Variants in UTRN observed in about 807,000 individuals in gnomAD.
UTRN encodes dystrophin-related protein 1.
A neutral mutation model predicts 463.9 loss-of-function variants in UTRN; 283 were observed. That is an observed-to-expected ratio of 0.61 (90% CI 0.55 to 0.67). The LOEUF (loss-of-function observed/expected upper bound fraction) is 0.67. UTRN is among the 30% of genes least tolerant of loss of function. The probability of loss-of-function intolerance (pLI) is 0.00; values close to 1 mark genes in which losing one functional copy is unlikely to be tolerated. For synonymous variants in UTRN, 1,442 were observed against 1,431.5 expected, an observed-to-expected ratio of 1.01 and a Z score of -0.17; for missense variants, 3,922 against 4,084.3, an observed-to-expected ratio of 0.96 and a Z score of 1.08.
At chr6:144,317,731 G>T (rs1775374572) in intron 2 of UTRN, among the ~76,000 whole-genome samples, 1 of 152,148 alleles carries the variant, frequency 6.6e-6, no homozygotes, top group Admixed American at 6.5e-5. Context: ...CCAAATTGTT[G>T]TAATAGAGAT....
chr6:144,413,949 A>G (rs932929494), intron 3 of UTRN, among the ~76,000 whole-genome samples: 61 of 152,164 alleles, frequency 4.0e-4, no homozygotes, highest in African/African-American at 1.4e-3. Context: ...GATTACAGGC[A>G]TGTGCCACCA....
At chr6:144,449,695 T>C (rs1788059332) in intron 17 of UTRN, among the ~76,000 whole-genome samples, 1 of 152,168 alleles carries the variant, frequency 6.6e-6, no homozygotes, top group Non-Finnish European at 1.5e-5. Flanking sequence ...AAAGATAAAA[T>C]ATTCATAGTT....
In UTRN at chr6:144,827,223, C is replaced by T. The variant is rs1780261015; in HGVS notation, c.9495-125C>T. ...TACTTTTGATTTCCCCATGGTGGCTCTCAGGGCAACCACATATATGAGCGG... is the reference window on the plus strand; with the variant it reads ...TACTTTTGATTTCCCCATGGTGGCTTTCAGGGCAACCACATATATGAGCGG... On this transcript the variant is annotated intron_variant, in intron 66 of 74. Transcript: ENST00000367545. The T allele has an allele frequency of 7.0e-6, 8 of 1,145,098 alleles. No individual in the cohort carries two copies. In the South Asian group the frequency reaches 1.1e-4, roughly 16 times the overall value. 70.9% of individuals were successfully genotyped at this position (1,145,098 alleles called of 1,614,324 possible).
chr6:144,772,892 A>G (rs1327426497), intron 59 of UTRN, among the ~76,000 whole-genome samples: 1 of 151,698 alleles, frequency 6.6e-6, no homozygotes, highest in Non-Finnish European at 1.5e-5. Context: ...TGGAGGGAAA[A>G]ACAGCACCCG....
chr6:144,797,267 C>CA (rs1777309924), intron 63 of UTRN, among the ~76,000 whole-genome samples: 2 of 151,526 alleles, frequency 1.3e-5, no homozygotes, highest in Non-Finnish European at 2.9e-5. Context: ...CGGCTCACTG[C>CA]AACCTCCGCC....
intron 2 of UTRN, among the ~76,000 whole-genome samples, chr6:144,377,312 C>T (rs1780550200): frequency 1.3e-5 from 2 of 152,164 alleles, no homozygotes; most frequent in Non-Finnish European, 1.5e-5. Flanking sequence ...GCTGGGATTA[C>T]AGGTGTGAGC....
intron 3 of UTRN, among the ~76,000 whole-genome samples, chr6:144,420,122 A>G (rs1382691207): frequency 6.6e-6 from 1 of 152,178 alleles, no homozygotes; most frequent in Non-Finnish European, 1.5e-5. Flanking sequence ...TTTGCTTCAT[A>G]TGAATGATAT....
intron 2 of UTRN, among the ~76,000 whole-genome samples, chr6:144,347,844 T>TTTTG (rs1777732181): frequency 6.9e-6 from 1 of 145,396 alleles, no homozygotes; most frequent in African/African-American, 2.8e-5. Flanking sequence ...TTTGTTTTTT[T>TTTTG]TTTTTGTTTT....
chr6:144,402,781 A>G (rs1435883944), intron 2 of UTRN, among the ~76,000 whole-genome samples: 1 of 152,222 alleles, frequency 6.6e-6, no homozygotes, highest in East Asian at 1.9e-4. Context: ...CTTGCACAAA[A>G]TGTAGCAGAA....
intron 54 of UTRN, among the ~76,000 whole-genome samples, chr6:144,733,768 C>T (rs935811951): frequency 6.6e-6 from 1 of 152,114 alleles, no homozygotes; most frequent in African/African-American, 2.4e-5. Context: ...TAGTCCAAGG[C>T]TATTCACTTA....
intron 51 of UTRN, among the ~76,000 whole-genome samples, chr6:144,607,204 A>G (rs1021771296): frequency 1.3e-5 from 2 of 152,184 alleles, no homozygotes; most frequent in African/African-American, 2.4e-5. Flanking sequence ...AATATTTTCT[A>G]TGTATGTCTT....
intron 2 of UTRN, among the ~76,000 whole-genome samples, chr6:144,308,154 ACT>A (rs1436047390): frequency 6.6e-6 from 1 of 151,980 alleles, no homozygotes; most frequent in Non-Finnish European, 1.5e-5. Context: ...TAGCTCTGTC[ACT>A]CTCTCTAAAA....
At chr6:144,840,654 GA>G in intron 72 of UTRN, 85 bp from the exon 73 acceptor site, 1 of 1,425,422 alleles carries the variant, frequency 7.0e-7, no homozygotes, top group Non-Finnish European at 9.7e-7. Flanking sequence ...AGGCTGGTTG[GA>G]GTATTTCCTC....
At chr6:144,635,238 C>T (rs1045485878) in intron 51 of UTRN, among the ~76,000 whole-genome samples, 7 of 149,002 alleles carry the variant, frequency 4.7e-5, no homozygotes, top group Admixed American at 1.4e-4. Flanking sequence ...ACAGCCTTGA[C>T]CTCCTGGGCT....
intron 46 of UTRN, among the ~76,000 whole-genome samples, chr6:144,547,743 CTT>C (rs1473636020): frequency 6.6e-5 from 10 of 152,114 alleles, no homozygotes; most frequent in Non-Finnish European, 1.5e-5. Flanking sequence ...AATAATATAA[CTT>C]AATATCTGGG....
intron 2 of UTRN, among the ~76,000 whole-genome samples, chr6:144,360,116 T>G (rs1278865950): frequency 2.0e-5 from 2 of 102,212 alleles, no homozygotes; most frequent in Non-Finnish European, 3.8e-5. Flanking sequence ...CCTCCCCCCT[T>G]CCTTCCTTCC....
chr6:144,842,589 C>T (rs1781681612), intron 73 of UTRN, among the ~76,000 whole-genome samples: 1 of 152,016 alleles, frequency 6.6e-6, no homozygotes, highest in African/African-American at 2.4e-5. Context: ...TATCTCAAAA[C>T]AACAACAACA....
At chr6:144,635,535 C>CT (rs1219903798) in intron 51 of UTRN, among the ~76,000 whole-genome samples, 459 of 33,168 alleles carry the variant, frequency 0.014, 3 homozygotes, top group Middle Eastern at 0.091. Context: ...TTTTTCTTTT[C>CT]TTTTTTTTTT....
chr6:144,428,744 C>A, intron 7 of UTRN, 34 bp from the exon 8 acceptor site: 1 of 1,246,454 alleles, frequency 8.0e-7, no homozygotes. Flanking sequence ...CCACATATTT[C>A]ATCTTCATTG....
Sources: gnomAD v4.1 joint callset for allele counts (sites outside exome capture counted in the v4.1 genomes callset) on GRCh38, gnomAD v4.1.1 for gene constraint, MANE v1.5 for transcripts, NCBI Gene and HGNC (gene_info 2026-07-23, HGNC 2026-07-21) for gene names.